MLLT1: variants seen among roughly 807,000 people sequenced by gnomAD.
MLLT1 encodes the protein MLLT1 super elongation complex subunit.
In MLLT1, 11 loss-of-function variants were observed where a neutral mutation model predicts 55.1. That is an observed-to-expected ratio of 0.20 (90% CI 0.13 to 0.33). The LOEUF (loss-of-function observed/expected upper bound fraction) is 0.33, where lower values mean the gene tolerates loss of function less well. Ranked by LOEUF, MLLT1 falls within the 10% of genes least tolerant of loss-of-function variation. The pLI, the probability that MLLT1 is intolerant of heterozygous loss-of-function variation, is 1.00. For missense variants in MLLT1, 536 were observed against 760.6 expected (o/e 0.70, Z 3.47); for synonymous variants, 323 against 320.1 (o/e 1.01, Z -0.10).
chr19:6,276,230 A>G (rs1467368223), intron 1 of MLLT1, among the ~76,000 whole-genome samples: 1 of 152,290 alleles, frequency 6.6e-6, no homozygotes, highest in East Asian at 1.9e-4. Context: ...CAGAGCTGGG[A>G]GCAGGTGAGG....
At chr19:6,271,261 T>C (rs1186458133) in intron 1 of MLLT1, among the ~76,000 whole-genome samples, 2 of 152,258 alleles carry the variant, frequency 1.3e-5, no homozygotes, top group East Asian at 3.8e-4. Context: ...ATCTTGCTGA[T>C]GGCTGTCGGT....
rs141648797 is a variant in MLLT1 at position 6,216,452 on chromosome 19, C to T, written c.1260G>A (p.Ser420=). The change falls in exon 8 of 12, where the codon TCG becomes TCA. Residue 420 remains serine, a synonymous_variant. Coordinates refer to ENST00000252674, the MANE Select transcript of MLLT1 (RefSeq NM_005934.4). The part of the protein sequence containing the change: ...QSEESDEDDS[S]SGEEAAGKTN... ...TCTTGCCGGCAGCCTCCTCGCCTGA[C>T]GAAGAGTCGTCCTCGTCGGACTCCT... 1.2e-3 allele frequency: 1,922 copies of T among 1,610,158 alleles called. 3 individuals carry two copies. The highest frequency in any genetic ancestry group is 1.8e-3 in the Middle Eastern group (10 of 5,712).
At chr19:6,237,947 AT>A (rs1283890662) in intron 3 of MLLT1, among the ~76,000 whole-genome samples, 2 of 151,794 alleles carry the variant, frequency 1.3e-5, no homozygotes, top group African/African-American at 4.8e-5. Context: ...TACAAAAAAA[AT>A]TTTTTTTAAT....
intron 6 of MLLT1, among the ~76,000 whole-genome samples, chr19:6,221,336 C>A (rs571872068): frequency 6.6e-6 from 1 of 152,342 alleles, no homozygotes; most frequent in African/African-American, 2.4e-5. Context: ...AAGACACCAC[C>A]GCCGTCCCAG....
intron 2 of MLLT1, among the ~76,000 whole-genome samples, chr19:6,265,397 G>T (rs1423618429): frequency 6.6e-6 from 1 of 152,210 alleles, no homozygotes; most frequent in East Asian, 1.9e-4. Context: ...TCGGCTGGGT[G>T]CAGTGGCTCC....
chr19:6,227,634 G>A lies in MLLT1; in HGVS notation c.421-532C>T, dbSNP rs1244775764. On this transcript the variant is annotated intron_variant, in intron 4 of 11. Transcript: ENST00000252674. This position sits in a 1 kb window ranked among gnomAD's most constrained non-coding sequence, Gnocchi z 5.1. ...CGAACAGGGCAAGAGCACCCAGGCT[G>A]AGGCCGAGACCAAGGCAGACGACCT... Among the ~76,000 whole-genome samples the A allele has an allele frequency of 6.6e-6, 1 of 152,230 alleles. No homozygotes were observed. Among genetic ancestry groups the A allele is most frequent in the Non-Finnish European group, 1.5e-5 (1 of 68,030 alleles).
At chr19:6,276,499 C>G (rs570827936) in intron 1 of MLLT1, among the ~76,000 whole-genome samples, 1 of 152,138 alleles carries the variant, frequency 6.6e-6, no homozygotes, top group African/African-American at 2.4e-5. Flanking sequence ...GCAATTCGAG[C>G]GTGGGGGTGC....
At position 6,270,472 on chromosome 19, in the gene MLLT1, G is replaced by T; in HGVS notation, c.193+107C>A. 8.1e-7 allele frequency: 1 copy of T among 1,235,554 alleles called. No homozygotes were observed. The highest frequency in any genetic ancestry group is 1.1e-6 in the Non-Finnish European group (1 of 900,118). 76.5% of individuals were successfully genotyped at this position (1,235,554 alleles called of 1,614,324 possible). A position where few individuals can be genotyped will look rare whatever the true frequency, so the allele number is the denominator to read the frequency against. On this transcript the variant is annotated intron_variant, in intron 2 of 11. Transcript: ENST00000252674. This position sits in a 1 kb window ranked among gnomAD's most constrained non-coding sequence, Gnocchi z 7.1. ...CGAGGGACGCAAGCTGGAACCTCAT[G>T]GTTGGAGGGGTCCTGCTGCTCCTGA... is the stretch of plus-strand genomic sequence containing the variant.
intron 2 of MLLT1, among the ~76,000 whole-genome samples, chr19:6,265,183 T>C (rs2091339854): frequency 6.6e-6 from 1 of 152,112 alleles, no homozygotes; most frequent in Admixed American, 6.5e-5. Flanking sequence ...CATCAGACTT[T>C]CCAGAAGATA....
At chr19:6,214,902 G>A (rs150214748) in intron 8 of MLLT1, among the ~76,000 whole-genome samples, 1,761 of 152,276 alleles carry the variant, frequency 0.012, 45 homozygotes, top group African/African-American at 0.04. Context: ...CTCCTGCCCC[G>A]GCGCAGGCTC....
intron 3 of MLLT1, among the ~76,000 whole-genome samples, chr19:6,249,760 C>T (rs1206337016): frequency 1.3e-5 from 2 of 152,060 alleles, no homozygotes; most frequent in Non-Finnish European, 2.9e-5. Flanking sequence ...AAGTGGCTCG[C>T]GCCTGTAATC....
chr19:6,259,671 G>A (rs750626819), intron 3 of MLLT1: 4 of 152,116 alleles, frequency 2.6e-5, no homozygotes, highest in East Asian at 1.9e-4. Context: ...ACACTGAAGC[G>A]GCTGGCCTCT....
rs879748455 is a variant in MLLT1 at position 6,222,745 on chromosome 19, G to A, written c.547-61C>T. ...ACAAGGTCACGTGGCATTGCGGGGC[G>A]CCCTGCTCCGCCACCCCTGACCCCT... On this transcript the variant is annotated intron_variant, in intron 5 of 11. Coordinates refer to ENST00000252674, the MANE Select transcript of MLLT1 (RefSeq NM_005934.4). The surrounding 1 kb of genome is among the most constrained non-coding windows in gnomAD (Gnocchi z 4.1). The A allele has an allele frequency of 1.1e-4, 143 of 1,361,616 alleles. No homozygotes were observed. The highest frequency in any genetic ancestry group is 8.1e-4 in the Middle Eastern group (3 of 3,722). The allele number at this position is 1,361,616 out of a possible 1,614,324, so 84.3% of individuals were successfully genotyped here.
At chr19:6,218,933 C>T (rs2090870922) in intron 6 of MLLT1, among the ~76,000 whole-genome samples, 1 of 152,164 alleles carries the variant, frequency 6.6e-6, no homozygotes, top group Non-Finnish European at 1.5e-5. Context: ...TGGCTTGAGC[C>T]CCTCAGACCA....
chr19:6,265,620 A>G (rs1287528601), intron 2 of MLLT1, among the ~76,000 whole-genome samples: 3 of 151,908 alleles, frequency 2.0e-5, no homozygotes, highest in South Asian at 2.1e-4. Context: ...CAGTGAGCCA[A>G]GATCGCGCCA....
In MLLT1 at chr19:6,262,206, T is replaced by G. The variant is rs1219385846; in HGVS notation, c.276+22A>C. The stretch of plus-strand genomic sequence containing the variant: ...GGGTCCCCACAGAGAGGCATCCTGC[T>G]TGCTCCCCTCAGGGATCCTACCTTG... On this transcript the variant is annotated intron_variant, in intron 3 of 11. Transcript: ENST00000252674. The surrounding 1 kb of genome is among the most constrained non-coding windows in gnomAD (Gnocchi z 4.4). 6.2e-7 allele frequency: 1 copy of G among 1,607,006 alleles called. No homozygotes were observed. Among genetic ancestry groups the G allele is most frequent in the East Asian group, 2.2e-5 (1 of 44,862 alleles).
Position 6,230,061 on chromosome 19 carries a change from C to CA in MLLT1, c.420+508_420+509insT. Among the ~76,000 whole-genome samples, 1 of 152,122 alleles carries CA rather than the reference C, an allele frequency of 6.6e-6. No individual in the cohort carries two copies. Among genetic ancestry groups the CA allele is most frequent in the Non-Finnish European group, 1.5e-5 (1 of 68,024 alleles). On this transcript the variant is annotated intron_variant, in intron 4 of 11. Transcript: ENST00000252674. The surrounding 1 kb of genome is among the most constrained non-coding windows in gnomAD (Gnocchi z 9.0). ...CTGCGCCCACCCTGTTGCCAAGAGC[C>CA]CTCGTGGGGAACTCTGAGCCCCCAC...
At position 6,219,955 on chromosome 19, in the gene MLLT1, T is replaced by C. The variant is rs1360407756; in HGVS notation, c.1111-1914A>G. Among the ~76,000 whole-genome samples the C allele has an allele frequency of 1.3e-5, 2 of 151,446 alleles. No homozygotes were observed. The highest frequency in any genetic ancestry group is 2.4e-5 in the African/African-American group (1 of 41,176). On this transcript the variant is annotated intron_variant, in intron 6 of 11. Coordinates refer to ENST00000252674, the MANE Select transcript of MLLT1 (RefSeq NM_005934.4). This position sits in a 1 kb window ranked among gnomAD's most constrained non-coding sequence, Gnocchi z 4.5. ...GGTCTCAGCCAGAAGAGCCCTAAGG[T>C]GGTGTGATCAGAAGGGCCACCGGAG...
chr19:6,266,412 T>C (rs907509284), intron 2 of MLLT1, among the ~76,000 whole-genome samples: 10 of 151,860 alleles, frequency 6.6e-5, no homozygotes, highest in African/African-American at 2.2e-4. Context: ...TTTTCAAACA[T>C]GCTAGGACTC....
Sources: allele counts gnomAD v4.1 joint callset (sites outside exome capture counted in the v4.1 genomes callset), GRCh38; gene constraint gnomAD v4.1.1; non-coding constraint Gnocchi (gnomAD v3.1); transcripts MANE v1.5; gene names NCBI Gene and HGNC (gene_info 2026-07-23, HGNC 2026-07-21).